Variants in SNURF observed in about 807,000 individuals in gnomAD.
SNURF encodes SNRPN upstream open reading frame, also known as SNURF protein.
Under a neutral mutation model 11.6 loss-of-function variants are expected in SNURF, and 6 were observed. That is an observed-to-expected ratio of 0.52 (90% confidence interval 0.28 to 1.02). The LOEUF (loss-of-function observed/expected upper bound fraction) is 1.02. SNURF is among the 50% of genes least tolerant of loss of function. The pLI is 0.09. For synonymous variants in SNURF, 29 were observed against 31.6 expected, an observed-to-expected ratio of 0.92 and a Z score of 0.27; for missense variants, 84 against 88.4, an observed-to-expected ratio of 0.95 and a Z score of 0.20.
chr15:24,975,633 A>G (rs1190746396), intron 4 of SNURF: 3 of 764,782 alleles, frequency 3.9e-6, no homozygotes, highest in African/African-American at 1.7e-5. Context: ...GAGCCAGTCT[A>G]TTGTTTAACC....
chr15:24,957,947 G>C (rs2063192058), intron 1 of SNURF, among the ~76,000 whole-genome samples: 2 of 152,116 alleles, frequency 1.3e-5, no homozygotes, highest in Admixed American at 1.3e-4. Flanking sequence ...AATTGGCTCT[G>C]TGCTAGGGCT....
intron 2 of SNURF, among the ~76,000 whole-genome samples, chr15:24,963,913 T>G (rs2075239742): frequency 6.6e-6 from 1 of 152,012 alleles, no homozygotes; most frequent in Non-Finnish European, 1.5e-5. Flanking sequence ...CTACCTGTAG[T>G]CTCAGCTACC....
intron 1 of SNURF, among the ~76,000 whole-genome samples, chr15:24,957,568 A>G (rs894418479): frequency 2.0e-5 from 3 of 152,028 alleles, no homozygotes; most frequent in African/African-American, 7.3e-5. Flanking sequence ...CCTTTTCTGT[A>G]TTTACATTTT....
rs780944030 is a variant in SNURF, at chr15:24,967,920, C to G, written c.111-12C>G. The G allele has an allele frequency of 6.2e-7, 1 of 1,605,906 alleles. No homozygotes were observed. The highest frequency in any genetic ancestry group is 8.5e-7 in the Non-Finnish European group (1 of 1,173,918). ...ATTTTTATCATTTATATATATTGTG[C>G]TCTTGTTGTAGGTGTCAGTTGTACC... On this transcript the variant is annotated splice_polypyrimidine_tract_variant and intron_variant, in intron 2 of 2. Transcript: ENST00000577949.
intron 2 of SNURF, among the ~76,000 whole-genome samples, chr15:24,965,534 C>CA (rs973683505): frequency 1.3e-5 from 2 of 152,036 alleles, no homozygotes; most frequent in African/African-American, 4.8e-5. Context: ...GACTCCATCT[C>CA]AAAATAAAGT....
intron 5 of SNURF, chr15:24,976,769 T>G: frequency 9.5e-6 from 9 of 948,940 alleles, no homozygotes; most frequent in Non-Finnish European, 1.5e-5. Flanking sequence ...AGAACTAATA[T>G]GAGATAGGTG....
At chr15:24,967,807 G>GAA in intron 2 of SNURF, 125 bp from the exon 3 acceptor site, 1 of 697,658 alleles carries the variant, frequency 1.4e-6, no homozygotes, top group Non-Finnish European at 2.3e-6. Flanking sequence ...GACCCTGTCT[G>GAA]GAAAAAAAAA....
exon 6 of SNURF, chr15:24,976,959 G>T: frequency 1.9e-6 from 3 of 1,605,934 alleles, no homozygotes; most frequent in Non-Finnish European, 2.5e-6. Flanking sequence ...GTACCAGCTG[G>T]TGTGCCAATT....
chr15:24,963,069 A>C (rs2075087473), intron 2 of SNURF, among the ~76,000 whole-genome samples: 1 of 152,150 alleles, frequency 6.6e-6, no homozygotes, highest in African/African-American at 2.4e-5. Context: ...TGTCCTATGC[A>C]TTGTGTGTGT....
At chr15:24,968,731 TTTTTG>T (rs1216767064), downstream of SNURF, 2 of 152,174 alleles carry the variant, frequency 1.3e-5, no homozygotes, top group Non-Finnish European at 2.9e-5. Flanking sequence ...TACTAATTCC[TTTTTG>T]TTTTGTCTTT....
chr15:24,977,501 G>T (rs1429748428), intron 6 of SNURF, among the ~76,000 whole-genome samples: 5 of 152,080 alleles, frequency 3.3e-5, no homozygotes, highest in Admixed American at 1.3e-4. Flanking sequence ...TCAGCTGTGT[G>T]TGGTGGTGGG....
chr15:24,955,007 G>A (rs1232431999), exon 1 of SNURF: 2 of 1,611,656 alleles, frequency 1.2e-6, no homozygotes, highest in African/African-American at 2.7e-5. Context: ...GCGGCCGCCG[G>A]AGATGCCTGA....
At chr15:24,976,461 A>G in intron 5 of SNURF, 2 of 1,269,222 alleles carry the variant, frequency 1.6e-6, no homozygotes, top group Non-Finnish European at 2.3e-6. Flanking sequence ...TTGCAGGGAC[A>G]TCATATTATG....
chr15:24,976,301 G>C (rs1244830595), intron 4 of SNURF: 1 of 1,612,114 alleles, frequency 6.2e-7, no homozygotes, highest in South Asian at 1.1e-5. Flanking sequence ...ATTCTGATTT[G>C]TAGGCCAAAG....
chr15:24,966,839 C>A (rs150056374), intron 2 of SNURF, among the ~76,000 whole-genome samples: 1 of 152,142 alleles, frequency 6.6e-6, no homozygotes, highest in Non-Finnish European at 1.5e-5. Flanking sequence ...TGGTGATCCC[C>A]CAGCTCCTCA....
chr15:24,968,208 A>G, exon 3 of SNURF: 1 of 610,390 alleles, frequency 1.6e-6, no homozygotes, highest in Non-Finnish European at 2.9e-6. Context: ...AACACATTGC[A>G]GAAAGTTTTA....
At chr15:24,960,368 C>G (rs2074570102) in intron 1 of SNURF, among the ~76,000 whole-genome samples, 2 of 152,040 alleles carry the variant, frequency 1.3e-5, no homozygotes. Flanking sequence ...GAGGCAGGGT[C>G]TGGCTCTGTC....
At chr15:24,974,425 T>C in intron 3 of SNURF, 1 of 1,612,462 alleles carries the variant, frequency 6.2e-7, no homozygotes, top group Non-Finnish European at 8.5e-7. Context: ...GTTTTAACTG[T>C]GGACATTGGA....
chr15:24,958,915 C>G (rs1736035983), intron 1 of SNURF: 1 of 153,124 alleles, frequency 6.5e-6, no homozygotes, highest in African/African-American at 2.4e-5. Context: ...GAGGGGTCTC[C>G]TTATGTTGCC....
Sources: allele counts gnomAD v4.1 joint callset (sites outside exome capture counted in the v4.1 genomes callset), GRCh38; gene constraint gnomAD v4.1.1; transcripts MANE v1.5; gene names NCBI Gene and HGNC (gene_info 2026-07-23, HGNC 2026-07-21).